The following NR6A1 variants were observed in gnomAD, a reference collection of about 807,000 sequenced individuals.
NR6A1 encodes the protein nuclear receptor subfamily 6 group A member 1.
Under a neutral mutation model 59.1 loss-of-function variants are expected in NR6A1, and 7 were observed. The observed-to-expected ratio is 0.12, with a 90% confidence interval of 0.07 to 0.22. The LOEUF is 0.22. Ranked by LOEUF, NR6A1 falls within the 10% of genes least tolerant of loss-of-function variation. The pLI is 1.00. For missense variants in NR6A1, 468 were observed against 611.6 expected (o/e 0.77, Z 2.48); for synonymous variants, 243 against 236.1 (o/e 1.03, Z -0.27).
At chr9:124,593,748 C>A (rs1006666936) in intron 2 of NR6A1, among the ~76,000 whole-genome samples, 5 of 152,140 alleles carry the variant, frequency 3.3e-5, no homozygotes, top group South Asian at 2.1e-4. Context: ...GGGCTGTGCA[C>A]AAGGGCTGCA....
intron 4 of NR6A1, among the ~76,000 whole-genome samples, chr9:124,542,265 C>T (rs1033295997): frequency 6.6e-6 from 1 of 151,966 alleles, no homozygotes; most frequent in Admixed American, 6.6e-5. Context: ...ACTTGAATAA[C>T]GAGAATAAAA....
At chr9:124,555,863 A>G in intron 2 of NR6A1, among the ~76,000 whole-genome samples, 1 of 152,206 alleles carries the variant, frequency 6.6e-6, no homozygotes, top group East Asian at 1.9e-4. Context: ...ACTGTCAGCT[A>G]TTATTTTCAT....
intron 1 of NR6A1, among the ~76,000 whole-genome samples, chr9:124,769,097 A>G (rs1841026882): frequency 6.6e-6 from 1 of 152,182 alleles, no homozygotes; most frequent in East Asian, 1.9e-4. Context: ...CTTTGTTCCT[A>G]TTATACTGTC....
At chr9:124,595,875 T>C in intron 2 of NR6A1, 1 of 1,224,086 alleles carries the variant, frequency 8.2e-7, no homozygotes, top group African/African-American at 1.5e-5. Flanking sequence ...TCAATTCCTC[T>C]AAGCCGGGAC....
chr9:124,654,329 A>AT (rs1171600434), intron 2 of NR6A1, among the ~76,000 whole-genome samples: 1 of 152,130 alleles, frequency 6.6e-6, no homozygotes, highest in Non-Finnish European at 1.5e-5. Flanking sequence ...ATGTCCTACT[A>AT]TTTGGGGGGA....
At chr9:124,550,528 A>ATTTTTTTT (rs748627702) in intron 3 of NR6A1, among the ~76,000 whole-genome samples, 38 of 145,558 alleles carry the variant, frequency 2.6e-4, no homozygotes, top group Middle Eastern at 3.4e-3. Flanking sequence ...TAATTTTTGT[A>ATTTTTTTT]TTTTTTTTTT....
intron 1 of NR6A1, among the ~76,000 whole-genome samples, chr9:124,754,764 G>A (rs1035149686): frequency 1.3e-5 from 2 of 152,134 alleles, no homozygotes; most frequent in African/African-American, 4.8e-5. Context: ...CTGGTCTGCT[G>A]TACCTATGAG....
intron 2 of NR6A1, among the ~76,000 whole-genome samples, chr9:124,723,700 C>T (rs1839630253): frequency 6.6e-6 from 1 of 152,196 alleles, no homozygotes; most frequent in Non-Finnish European, 1.5e-5. Context: ...ATAGTATTTA[C>T]CATTTGTCAA....
rs1302065894 is a variant in NR6A1 at position 124,517,713 on chromosome 9, G to C, written c.*4992C>G. The stretch of plus-strand genomic sequence containing the variant: ...AGGAAGGAAATGGAGGCCTCTTCAG[G>C]GGGGTGACTAGTCCCTGGCTGGGTA... On this transcript the variant is annotated 3_prime_UTR_variant, in exon 10 of 10. Transcript: ENST00000487099. 1 of 152,178 alleles carries C rather than the reference G, an allele frequency of 6.6e-6. No individual in the cohort carries two copies. 9.4% of individuals were successfully genotyped at this position (152,178 alleles called of 1,614,324 possible).
intron 1 of NR6A1, among the ~76,000 whole-genome samples, chr9:124,762,049 T>G (rs909222776): frequency 1.3e-5 from 2 of 152,120 alleles, no homozygotes; most frequent in African/African-American, 2.4e-5. Context: ...AACTCCAAAG[T>G]AAAAAAAGTA....
At chr9:124,537,952 C>G in intron 6 of NR6A1, 140 bp downstream of exon 6, 1 of 639,636 alleles carries the variant, frequency 1.6e-6, no homozygotes, top group South Asian at 2.1e-5. Context: ...AAGATAAGCA[C>G]AGATTTGTCC....
chr9:124,576,550 G>A (rs1588680084), intron 2 of NR6A1, among the ~76,000 whole-genome samples: 4 of 152,034 alleles, frequency 2.6e-5, no homozygotes, highest in Non-Finnish European at 1.5e-5. Flanking sequence ...GCCTCCCAAA[G>A]TGCTGGGATT....
chr9:124,741,906 A>G lies in NR6A1; in HGVS notation c.101-8557T>C, dbSNP rs372638332. On this transcript the variant is annotated intron_variant, in intron 1 of 9. Coordinates refer to ENST00000487099, the MANE Select transcript of NR6A1 (RefSeq NM_033334.4). ...TGAAAGTGCTCGGTAGCCATGATCGATATCAGGGAGAAGAGAAGCAGCAAT... is the reference window on the plus strand; with the variant it reads ...TGAAAGTGCTCGGTAGCCATGATCGGTATCAGGGAGAAGAGAAGCAGCAAT... Among the ~76,000 whole-genome samples, 11 of 152,326 alleles carry G rather than the reference A, an allele frequency of 7.2e-5. No homozygotes were observed. In the East Asian group the frequency reaches 9.6e-4, roughly 13 times the overall value.
intron 3 of NR6A1, among the ~76,000 whole-genome samples, chr9:124,550,745 A>C (rs1416953488): frequency 6.6e-6 from 1 of 152,028 alleles, no homozygotes; most frequent in Admixed American, 6.6e-5. Context: ...TATGCTGCCC[A>C]GGCTGGTCTT....
At chr9:124,706,133 C>T (rs900559893) in intron 2 of NR6A1, among the ~76,000 whole-genome samples, 1 of 152,096 alleles carries the variant, frequency 6.6e-6, no homozygotes. Flanking sequence ...TGCTCTAGGC[C>T]TCACAACATG....
intron 2 of NR6A1, among the ~76,000 whole-genome samples, chr9:124,610,788 G>A (rs911325734): frequency 5.3e-5 from 8 of 152,000 alleles, no homozygotes; most frequent in Non-Finnish European, 2.9e-5. Flanking sequence ...ACTCATTATC[G>A]GTCTATTCAG....
At chr9:124,635,837 G>C (rs868556487) in intron 2 of NR6A1, among the ~76,000 whole-genome samples, 52 of 152,304 alleles carry the variant, frequency 3.4e-4, no homozygotes, top group African/African-American at 1.2e-3. Context: ...TCCATATGCA[G>C]GTTTCTGTGT....
At chr9:124,540,006 T>C (rs768530568) in intron 5 of NR6A1, 27 bp downstream of exon 5, 1 of 1,564,368 alleles carries the variant, frequency 6.4e-7, no homozygotes, top group Non-Finnish European at 8.6e-7. Flanking sequence ...CCCTAGATGA[T>C]GACCATGGGT....
At chr9:124,679,638 T>C (rs527855699) in intron 2 of NR6A1, among the ~76,000 whole-genome samples, 74 of 152,050 alleles carry the variant, frequency 4.9e-4, no homozygotes, top group Non-Finnish European at 8.2e-4. Context: ...TGCCTGTAAT[T>C]CCAGCACTTT....
Sources: allele counts gnomAD v4.1 joint callset (sites outside exome capture counted in the v4.1 genomes callset), GRCh38; gene constraint gnomAD v4.1.1; transcripts MANE v1.5; gene names NCBI Gene and HGNC (gene_info 2026-07-23, HGNC 2026-07-21).